OR2L13: variants seen among roughly 807,000 people sequenced by gnomAD.
OR2L13 encodes olfactory receptor family 2 subfamily L member 13.
OR2L13 carries 14 observed loss-of-function variants against 15.3 expected under a neutral mutation model. That is an observed-to-expected ratio of 0.91 (90% CI 0.60 to 1.43). OR2L13 has a LOEUF of 1.43. Among genes scored for constraint, OR2L13 ranks in the 40% most tolerant of loss-of-function variants. OR2L13 has a pLI of 0.00. For synonymous variants in OR2L13, 152 were observed against 142.9 expected, an observed-to-expected ratio of 1.06 and a Z score of -0.45; for missense variants, 367 against 387.9, an observed-to-expected ratio of 0.95 and a Z score of 0.45.
chr1:248,060,778 A>G, the OR2L13 span: 5 of 1,613,966 alleles, frequency 3.1e-6, no homozygotes, highest in South Asian at 3.3e-5. Flanking sequence ...CATTGTTTTC[A>G]TTTTCCTAAT....
the OR2L13 span, among the ~76,000 whole-genome samples, chr1:248,016,296 G>C: frequency 6.6e-6 from 1 of 152,120 alleles, no homozygotes; most frequent in Non-Finnish European, 1.5e-5. Flanking sequence ...ATTTACACAG[G>C]AGATTACATG....
the OR2L13 span, among the ~76,000 whole-genome samples, chr1:247,977,983 G>A: frequency 1.3e-5 from 2 of 152,170 alleles, no homozygotes; most frequent in Admixed American, 1.3e-4. Flanking sequence ...CTCTCCAGAA[G>A]GCTGATATGA....
the OR2L13 span, among the ~76,000 whole-genome samples, chr1:247,948,480 C>G: frequency 6.6e-6 from 1 of 151,954 alleles, no homozygotes; most frequent in Non-Finnish European, 1.5e-5. Context: ...TTGATCTCAT[C>G]AAATGTGAAA....
the OR2L13 span, chr1:248,061,511 A>G: frequency 1.9e-6 from 3 of 1,613,856 alleles, no homozygotes; most frequent in Admixed American, 5.0e-5. Context: ...GCTGTCTTCT[A>G]CACCACCCTC....
the OR2L13 span, among the ~76,000 whole-genome samples, chr1:248,033,200 T>C: frequency 1.3e-5 from 2 of 152,210 alleles, no homozygotes; most frequent in Non-Finnish European, 2.9e-5. Flanking sequence ...GACTATACTT[T>C]TATGGTTTTA....
chr1:248,053,437 T>C, the OR2L13 span, among the ~76,000 whole-genome samples: 1 of 152,324 alleles, frequency 6.6e-6, no homozygotes, highest in South Asian at 2.1e-4. Context: ...ACCTTTATAA[T>C]AGAATAATTT....
the OR2L13 span, among the ~76,000 whole-genome samples, chr1:248,010,763 G>GTTTTTGTT: frequency 2.2e-5 from 1 of 44,462 alleles, no homozygotes; most frequent in Non-Finnish European, 3.7e-5. Context: ...CTTTGTTGTT[G>GTTTTTGTT]TTTTTTTTTT....
chr1:248,028,088 C>G, the OR2L13 span, among the ~76,000 whole-genome samples: 1 of 141,200 alleles, frequency 7.1e-6, no homozygotes, highest in Non-Finnish European at 1.5e-5. Flanking sequence ...TTGCAGTGAG[C>G]CGAGATCACG....
At chr1:248,082,522 A>G in the OR2L13 span, among the ~76,000 whole-genome samples, 2 of 152,096 alleles carry the variant, frequency 1.3e-5, no homozygotes, top group Admixed American at 1.3e-4. Context: ...AAAACATATT[A>G]TTTCTTAAGT....
chr1:247,987,526 A>G, the OR2L13 span, among the ~76,000 whole-genome samples: 1 of 152,196 alleles, frequency 6.6e-6, no homozygotes, highest in Non-Finnish European at 1.5e-5. Context: ...GAATTTTTAC[A>G]TCACTTTAAT....
chr1:247,958,064 C>T, the OR2L13 span, among the ~76,000 whole-genome samples: 1 of 152,106 alleles, frequency 6.6e-6, no homozygotes, highest in Non-Finnish European at 1.5e-5. Flanking sequence ...TTCCTGCTTT[C>T]TCTTGTGGGC....
upstream of OR2L13, among the ~76,000 whole-genome samples, chr1:248,095,607 C>CTTTGTTTTTTTTTTTTTTTTTTTTTTT (rs1664715601): frequency 5.4e-5 from 2 of 37,294 alleles, no homozygotes; most frequent in African/African-American, 1.4e-4. Flanking sequence ...AAAGCTGCTG[C>CTTTGTTTTTTTTTTTTTTTTTTTTTTT]TTTTTTTTTT....
the OR2L13 span, chr1:247,990,996 C>T: frequency 6.6e-6 from 10 of 1,515,684 alleles, no homozygotes; most frequent in East Asian, 2.0e-4. Context: ...GCAGCACCCA[C>T]CTCACTGTAG....
At chr1:248,032,533 G>A in the OR2L13 span, among the ~76,000 whole-genome samples, 1 of 151,972 alleles carries the variant, frequency 6.6e-6, no homozygotes, top group Non-Finnish European at 1.5e-5. Flanking sequence ...CCCATCCCCA[G>A]GGGTCCAGCA....
the OR2L13 span, among the ~76,000 whole-genome samples, chr1:247,960,659 C>T: frequency 2.0e-5 from 3 of 152,192 alleles, no homozygotes; most frequent in Non-Finnish European, 4.4e-5. Flanking sequence ...CCTCCCCCAG[C>T]CTCGCTGCCA....
At chr1:247,951,429 ATTC>A in the OR2L13 span, among the ~76,000 whole-genome samples, 6 of 152,190 alleles carry the variant, frequency 3.9e-5, no homozygotes, top group Non-Finnish European at 8.8e-5. Context: ...ATTTGTTTGT[ATTC>A]TTCTTCATTT....
chr1:248,090,940 C>A (rs1432847956), upstream of OR2L13, among the ~76,000 whole-genome samples: 1 of 152,082 alleles, frequency 6.6e-6, no homozygotes, highest in Non-Finnish European at 1.5e-5. Context: ...GCATCCTCAC[C>A]TTTTGTTATT....
chr1:248,012,262 G>A, the OR2L13 span, among the ~76,000 whole-genome samples: 2 of 152,114 alleles, frequency 1.3e-5, no homozygotes, highest in African/African-American at 2.4e-5. Flanking sequence ...GACTGCCACA[G>A]TGCTTCTCTG....
At chr1:248,019,021 A>G in the OR2L13 span, among the ~76,000 whole-genome samples, 3 of 152,002 alleles carry the variant, frequency 2.0e-5, no homozygotes, top group African/African-American at 7.2e-5. Context: ...TGTACTCACT[A>G]CATTTTTTAT....
Sources: allele counts gnomAD v4.1 joint callset (sites outside exome capture counted in the v4.1 genomes callset), GRCh38; gene constraint gnomAD v4.1.1; transcripts MANE v1.5; gene names NCBI Gene and HGNC (gene_info 2026-07-23, HGNC 2026-07-21).